Variants in NAV2 observed in about 807,000 individuals in gnomAD.
NAV2 encodes helicase, APC down-regulated 1.
Under a neutral mutation model 223.2 loss-of-function variants are expected in NAV2, and 54 were observed. The observed-to-expected ratio is 0.24, with a 90% CI of 0.19 to 0.30. NAV2 has a LOEUF of 0.30. NAV2 is among the 10% of genes least tolerant of loss of function. NAV2 has a pLI of 1.00. For synonymous variants in NAV2, 1,279 were observed against 1,239.3 expected (o/e 1.03, Z -0.67); for missense variants, 2,806 against 3,147.5 (o/e 0.89, Z 2.60).
At chr11:20,024,108 T>C (rs1397117668) in intron 11 of NAV2, among the ~76,000 whole-genome samples, 4 of 152,184 alleles carry the variant, frequency 2.6e-5, no homozygotes, top group Non-Finnish European at 5.9e-5. Flanking sequence ...GTTTTACCTG[T>C]TAATTTTAAA....
rs2057717205 is a variant in NAV2, at chr11:20,048,898, A to C, written c.4073A>C (p.Lys1358Thr). ...GGGAGCAGCAGTCCTCTCTACAGCAAGAATGTGGACCTCAACCAGTCTCCG... is the reference window on the plus strand; with the variant it reads ...GGGAGCAGCAGTCCTCTCTACAGCACGAATGTGGACCTCAACCAGTCTCCG... ...SSGSSSPLYSKNVDLNQSPLA... is the reference protein window; with the variant it reads ...SSGSSSPLYSTNVDLNQSPLA... The change falls in exon 15 of 38, where the codon AAG (lysine) becomes ACG (threonine). Residue 1358 changes from lysine to threonine, a missense_variant. Coordinates refer to ENST00000349880, the MANE Select transcript of NAV2 (RefSeq NM_145117.5). 1 of 1,614,044 alleles carries C rather than the reference A, an allele frequency of 6.2e-7. No homozygotes were observed. The highest frequency in any genetic ancestry group is 1.3e-5 in the African/African-American group (1 of 74,932).
intron 1 of NAV2, among the ~76,000 whole-genome samples, chr11:19,437,634 A>G (rs919706283): frequency 6.6e-6 from 1 of 152,196 alleles, no homozygotes; most frequent in Non-Finnish European, 1.5e-5. Flanking sequence ...GTCTATTTGT[A>G]AAAAGGTTGT....
chr11:19,896,802 A>G (rs912771561), intron 6 of NAV2, among the ~76,000 whole-genome samples: 3 of 152,232 alleles, frequency 2.0e-5, no homozygotes, highest in South Asian at 2.1e-4. Context: ...AACTAGTTCA[A>G]CCATTGTGGA....
chr11:19,803,047 T>C (rs2058358849), intron 1 of NAV2, among the ~76,000 whole-genome samples: 1 of 152,198 alleles, frequency 6.6e-6, no homozygotes, highest in Admixed American at 6.5e-5. Context: ...GGTTTATTTT[T>C]ACCAGCAATA....
chr11:19,618,422 A>T (rs1046979986), intron 1 of NAV2, among the ~76,000 whole-genome samples: 8 of 150,396 alleles, frequency 5.3e-5, no homozygotes, highest in African/African-American at 2.0e-4. Flanking sequence ...GGATGGATGG[A>T]TGGATGGATG....
At chr11:19,605,646 C>T (rs1418589920) in intron 1 of NAV2, among the ~76,000 whole-genome samples, 1 of 152,072 alleles carries the variant, frequency 6.6e-6, no homozygotes, top group Admixed American at 6.5e-5. Context: ...AGGGTAGACA[C>T]AGGCCTCCAC....
intron 10 of NAV2, among the ~76,000 whole-genome samples, chr11:19,955,765 G>A (rs566807875): frequency 6.6e-6 from 1 of 152,186 alleles, no homozygotes; most frequent in Non-Finnish European, 1.5e-5. Context: ...TAGCATGAAA[G>A]GCTCTTTCTT....
At chr11:19,987,918 G>T (rs1408250015) in intron 11 of NAV2, among the ~76,000 whole-genome samples, 1 of 152,148 alleles carries the variant, frequency 6.6e-6, no homozygotes, top group Non-Finnish European at 1.5e-5. Flanking sequence ...ACAGATAAAA[G>T]GAGCTTTGGC....
chr11:19,841,648 A>T (rs1199364898), intron 2 of NAV2, among the ~76,000 whole-genome samples: 2 of 152,134 alleles, frequency 1.3e-5, no homozygotes, highest in Non-Finnish European at 2.9e-5. Context: ...TGCTGTGAGG[A>T]CAGAGGCCTG....
chr11:19,979,350 G>A (rs564783522), intron 10 of NAV2, among the ~76,000 whole-genome samples: 4 of 152,248 alleles, frequency 2.6e-5, no homozygotes, highest in African/African-American at 7.2e-5. Context: ...CAGAGGCCTG[G>A]CATCCAAGAT....
chr11:19,907,394 T>C (rs1394262598), intron 6 of NAV2, among the ~76,000 whole-genome samples: 1 of 152,210 alleles, frequency 6.6e-6, no homozygotes, highest in East Asian at 1.9e-4. Context: ...TGAATGACCT[T>C]CACTGAAAGG....
chr11:19,414,427 T>G (rs1470809027), intron 1 of NAV2, among the ~76,000 whole-genome samples: 1 of 152,088 alleles, frequency 6.6e-6, no homozygotes, highest in Non-Finnish European at 1.5e-5. Context: ...AAATACAGGA[T>G]CACCCAGATT....
At chr11:19,431,076 A>G (rs1004126581) in intron 1 of NAV2, among the ~76,000 whole-genome samples, 6 of 152,258 alleles carry the variant, frequency 3.9e-5, no homozygotes, top group Non-Finnish European at 8.8e-5. Context: ...AAGGCAAAAT[A>G]GACAGGCAGG....
At chr11:19,459,356 TCA>T (rs1852072993) in intron 1 of NAV2, among the ~76,000 whole-genome samples, 1 of 152,234 alleles carries the variant, frequency 6.6e-6, no homozygotes, top group Admixed American at 6.5e-5. Context: ...GTCAAAATCC[TCA>T]GTCTCCCAGA....
At chr11:19,535,273 G>A (rs562485840) in intron 1 of NAV2, among the ~76,000 whole-genome samples, 8 of 152,300 alleles carry the variant, frequency 5.3e-5, no homozygotes, top group African/African-American at 1.7e-4. Flanking sequence ...CAGCTACTGT[G>A]GGAACCTTGG....
At chr11:19,480,087 A>G (rs1272690680) in intron 1 of NAV2, among the ~76,000 whole-genome samples, 1 of 152,176 alleles carries the variant, frequency 6.6e-6, no homozygotes, top group Non-Finnish European at 1.5e-5. Flanking sequence ...TGCCAAGCCT[A>G]AAATATTTAC....
At chr11:19,934,408 G>A (rs1787288535) in intron 7 of NAV2, 131 bp downstream of exon 7, 28 of 1,070,868 alleles carry the variant, frequency 2.6e-5, no homozygotes, top group African/African-American at 4.8e-5. Flanking sequence ...AAGAAACCAC[G>A]TGATGAACTC....
At chr11:19,576,776 AG>A (rs1483990813) in intron 1 of NAV2, among the ~76,000 whole-genome samples, 35 of 152,310 alleles carry the variant, frequency 2.3e-4, no homozygotes, top group Admixed American at 6.5e-5. Flanking sequence ...TGTGGGCTTC[AG>A]AAGGGAACCC....
intron 1 of NAV2, among the ~76,000 whole-genome samples, chr11:19,823,408 A>G (rs1565377177): frequency 2.0e-5 from 3 of 152,108 alleles, no homozygotes; most frequent in Non-Finnish European, 2.9e-5. Flanking sequence ...GGGTTTCACC[A>G]TGTTGGCCAG....
Sources: gnomAD v4.1 joint callset for allele counts (sites outside exome capture counted in the v4.1 genomes callset) on GRCh38, gnomAD v4.1.1 for gene constraint, MANE v1.5 for transcripts, NCBI Gene and HGNC (gene_info 2026-07-23, HGNC 2026-07-21) for gene names.